RPH3A: variants seen among roughly 807,000 people sequenced by gnomAD.
The protein encoded by RPH3A is rabphilin-3A.
Under a neutral mutation model 102.2 loss-of-function variants are expected in RPH3A, and 48 were observed. That is an observed-to-expected ratio of 0.47 (90% CI 0.37 to 0.60). RPH3A has a LOEUF of 0.60. Ranked by LOEUF, RPH3A falls within the 20% of genes least tolerant of loss-of-function variation. The pLI is 0.00. For synonymous variants in RPH3A, 310 were observed against 324.3 expected, an observed-to-expected ratio of 0.96 and a Z score of 0.47; for missense variants, 781 against 910.1, an observed-to-expected ratio of 0.86 and a Z score of 1.83.
At chr12:112,687,545 T>C (rs1343881429) in intron 1 of RPH3A, among the ~76,000 whole-genome samples, 1 of 152,190 alleles carries the variant, frequency 6.6e-6, no homozygotes, top group African/African-American at 2.4e-5. Context: ...AGATTTGGAA[T>C]GACTATCAGA....
At chr12:112,634,018 G>C (rs574761336) in intron 1 of RPH3A, among the ~76,000 whole-genome samples, 1 of 152,144 alleles carries the variant, frequency 6.6e-6, no homozygotes, top group African/African-American at 2.4e-5. Context: ...GATTCTCAGG[G>C]GTGACAGTGA....
intron 1 of RPH3A, among the ~76,000 whole-genome samples, chr12:112,724,370 T>A (rs935894115): frequency 6.6e-5 from 10 of 152,166 alleles, no homozygotes; most frequent in Non-Finnish European, 8.8e-5. Context: ...TGGCCAATAT[T>A]TTTTTAATAT....
chr12:112,680,504 A>C (rs1281272627), intron 1 of RPH3A, among the ~76,000 whole-genome samples: 1 of 152,154 alleles, frequency 6.6e-6, no homozygotes, highest in Non-Finnish European at 1.5e-5. Flanking sequence ...GGCCCGGAGA[A>C]GTCAAGTTAC....
upstream of RPH3A, among the ~76,000 whole-genome samples, chr12:112,790,400 A>G (rs1377874413): frequency 1.3e-5 from 2 of 152,164 alleles, no homozygotes; most frequent in Non-Finnish European, 2.9e-5. Flanking sequence ...TGAGCTCTAA[A>G]TGTTCTCATT....
intron 1 of RPH3A, among the ~76,000 whole-genome samples, chr12:112,678,684 G>A (rs996671497): frequency 6.6e-6 from 1 of 152,128 alleles, no homozygotes; most frequent in African/African-American, 2.4e-5. Context: ...GAAACCTGAC[G>A]CAGGATTTAA....
intron 2 of RPH3A, among the ~76,000 whole-genome samples, chr12:112,792,486 C>T (rs986039088): frequency 6.6e-6 from 1 of 152,186 alleles, no homozygotes; most frequent in African/African-American, 2.4e-5. Context: ...GTAAAATGTG[C>T]TCATGTTGTA....
chr12:112,882,441 T>C (rs2042931248), intron 15 of RPH3A, among the ~76,000 whole-genome samples: 1 of 152,178 alleles, frequency 6.6e-6, no homozygotes, highest in Non-Finnish European at 1.5e-5. Context: ...TAATTTGACA[T>C]AGATGTCCTA....
intron 2 of RPH3A, among the ~76,000 whole-genome samples, chr12:112,828,000 C>A (rs2041908910): frequency 6.6e-6 from 1 of 152,138 alleles, no homozygotes; most frequent in Non-Finnish European, 1.5e-5. Flanking sequence ...AACTCTGGCC[C>A]ACACACTGCT....
chr12:112,590,043 A>T (rs1247412834), intron 1 of RPH3A, among the ~76,000 whole-genome samples: 3 of 151,190 alleles, frequency 2.0e-5, no homozygotes, highest in Non-Finnish European at 4.4e-5. Context: ...AGATCATGCC[A>T]CTGTACTCCA....
intron 4 of RPH3A, among the ~76,000 whole-genome samples, chr12:112,836,741 G>T (rs1420151017): frequency 2.0e-5 from 3 of 152,008 alleles, no homozygotes; most frequent in Non-Finnish European, 4.4e-5. Context: ...ATATTTCTTA[G>T]CCCTCAATTC....
intron 1 of RPH3A, among the ~76,000 whole-genome samples, chr12:112,765,373 G>A (rs1592986896): frequency 1.3e-5 from 2 of 152,060 alleles, no homozygotes; most frequent in African/African-American, 4.8e-5. Flanking sequence ...CAAGAGACTT[G>A]TGAGTTATTT....
intron 1 of RPH3A, among the ~76,000 whole-genome samples, chr12:112,663,890 A>C (rs1422604078): frequency 6.6e-6 from 1 of 152,176 alleles, no homozygotes; most frequent in East Asian, 1.9e-4. Context: ...TTTTACTAGA[A>C]CATCCCAAAG....
chr12:112,842,950 C>A lies in RPH3A; in HGVS notation c.84-4746C>A, dbSNP rs148308180. Among the ~76,000 whole-genome samples the A allele has an allele frequency of 4.6e-3, 698 of 152,336 alleles. 7 individuals are homozygous for A. Among genetic ancestry groups the A allele is most frequent in the African/African-American group, 0.016 (653 of 41,564 alleles). On this transcript the variant is annotated intron_variant, in intron 4 of 21. Transcript: ENST00000389385. ...ACATACTGCCAAGAAGTGTCAGACC[C>A]AGGATTCCACTCATTAACTCTGCCA...
In RPH3A at chr12:112,640,756, G is replaced by T. The variant is rs376004363; in HGVS notation, c.-140+65437G>T. Among the ~76,000 whole-genome samples, 144 of 152,268 alleles carry T rather than the reference G, an allele frequency of 9.5e-4. No homozygotes were observed. In the South Asian group the frequency reaches 0.027, roughly 29 times the overall value. On this transcript the variant is annotated intron_variant, in intron 1 of 21. Transcript: ENST00000543106. ...TTCCTGAAATTCTCTAGGGGGCATG[G>T]AGTGGAGGAGTGTGAAGAATGATGA...
intron 1 of RPH3A, among the ~76,000 whole-genome samples, chr12:112,707,751 T>C (rs2040435368): frequency 6.6e-6 from 1 of 152,252 alleles, no homozygotes; most frequent in African/African-American, 2.4e-5. Flanking sequence ...TCAAGAAGTA[T>C]AGCTAATCCT....
chr12:112,648,264 G>T (rs1251012175), intron 1 of RPH3A, among the ~76,000 whole-genome samples: 1 of 151,826 alleles, frequency 6.6e-6, no homozygotes, highest in African/African-American at 2.4e-5. Context: ...TCACATAAAG[G>T]TATCATACAT....
At chr12:112,879,366 C>G (rs1217133401) in intron 14 of RPH3A, among the ~76,000 whole-genome samples, 168 bp downstream of exon 14, 1 of 152,184 alleles carries the variant, frequency 6.6e-6, no homozygotes, top group East Asian at 1.9e-4. Context: ...TTCTGGGAGG[C>G]CTTCCTCCTC....
At chr12:112,871,121 T>C (rs912939740) in intron 10 of RPH3A, among the ~76,000 whole-genome samples, 2 of 152,210 alleles carry the variant, frequency 1.3e-5, no homozygotes, top group Non-Finnish European at 2.9e-5. Flanking sequence ...AGCCTGTACT[T>C]TTTCTTTTCT....
At chr12:112,628,619 G>A (rs989847577) in intron 1 of RPH3A, among the ~76,000 whole-genome samples, 2 of 145,914 alleles carry the variant, frequency 1.4e-5, no homozygotes, top group Admixed American at 7.0e-5. Context: ...AATCAGCAGG[G>A]TGGGGTGGTG....
Sources: allele counts gnomAD v4.1 joint callset (sites outside exome capture counted in the v4.1 genomes callset), GRCh38; gene constraint gnomAD v4.1.1; transcripts MANE v1.5; gene names NCBI Gene and HGNC (gene_info 2026-07-23, HGNC 2026-07-21).